The following DPYSL2 variants were observed in gnomAD, a reference collection of about 807,000 sequenced individuals.
The protein encoded by DPYSL2 is dihydropyrimidinase-related protein 2.
DPYSL2 carries 13 observed loss-of-function variants against 69.9 expected under a neutral mutation model. The ratio of observed to expected loss-of-function variants is 0.19; its 90% CI spans 0.12 to 0.30. DPYSL2 has a LOEUF of 0.30. Among genes scored for constraint, DPYSL2 ranks in the 10% least tolerant of loss-of-function variants. The pLI is 1.00. For missense variants in DPYSL2, 587 were observed against 918.9 expected, an observed-to-expected ratio of 0.64 and a Z score of 4.67; for synonymous variants, 326 against 359.1, an observed-to-expected ratio of 0.91 and a Z score of 1.04.
intron 1 of DPYSL2, among the ~76,000 whole-genome samples, chr8:26,542,179 T>C (rs1289481545): frequency 6.6e-6 from 1 of 152,056 alleles, no homozygotes; most frequent in Non-Finnish European, 1.5e-5. Flanking sequence ...TCCTAGCTAC[T>C]AGGAAGGCTG....
rs7017875 is a variant in DPYSL2, at chr8:26,653,649, C to T, written c.1942+252C>T. ...CCTTGGCTCACTGCAACCTCCACCT[C>T]CTGGTTCAAGTGATTCTCATGTCTC... On this transcript the variant is annotated intron_variant, in intron 13 of 13. Transcript: ENST00000521913. The surrounding 1 kb of genome is among the most constrained non-coding windows in gnomAD (Gnocchi z 5.7). Among the ~76,000 whole-genome samples the T allele has an allele frequency of 5.3e-3, 805 of 152,276 alleles. 12 individuals carry two copies. Among genetic ancestry groups the T allele is most frequent in the African/African-American group, 0.018 (736 of 41,540 alleles).
Position 26,598,530 on chromosome 8 carries a change from G to A in DPYSL2, c.628+14547G>A, listed in dbSNP as rs1036395791. Among the ~76,000 whole-genome samples, 2 of 152,244 alleles carry A rather than the reference G, an allele frequency of 1.3e-5. No individual in the cohort carries two copies. Among genetic ancestry groups the A allele is most frequent in the African/African-American group, 4.8e-5 (2 of 41,454 alleles). ...TTCATGTTTTAGAATGTTAGTGCCA[G>A]CAGAAAGCACCAGGAGACACCCGAT... On this transcript the variant is annotated intron_variant, in intron 3 of 13. Transcript: ENST00000521913. This position sits in a 1 kb window ranked among gnomAD's most constrained non-coding sequence, Gnocchi z 4.2.
intron 2 of DPYSL2, among the ~76,000 whole-genome samples, 159 bp from the exon 3 acceptor site, chr8:26,583,640 G>A (rs1430622411): frequency 6.6e-6 from 1 of 152,074 alleles, no homozygotes; most frequent in Non-Finnish European, 1.5e-5. Flanking sequence ...CTTGCTGGGG[G>A]GTAGGAGTAT....
intron 2 of DPYSL2, among the ~76,000 whole-genome samples, chr8:26,583,405 A>G (rs1367267187): frequency 6.6e-6 from 1 of 151,062 alleles, no homozygotes. Context: ...AAAGGATATG[A>G]TAAAAATAAA....
At position 26,598,629 on chromosome 8, in the gene DPYSL2, A is replaced by AT. The variant is rs1177533266; in HGVS notation, c.628+14652dup. ...TACGGGAGATTTGAGGCATTTGATCATTTTTTCCCGTTAGCTTACAGCACA... is the reference window on the plus strand; with the variant it reads ...TACGGGAGATTTGAGGCATTTGATCATTTTTTTCCCGTTAGCTTACAGCACA... On this transcript the variant is annotated intron_variant, in intron 3 of 13. Coordinates refer to ENST00000521913, the MANE Select transcript of DPYSL2 (RefSeq NM_001197293.3). The surrounding 1 kb of genome is among the most constrained non-coding windows in gnomAD (Gnocchi z 4.2). Among the ~76,000 whole-genome samples the AT allele has an allele frequency of 6.6e-6, 1 of 151,998 alleles. No individual in the cohort carries two copies. The highest frequency in any genetic ancestry group is 1.5e-5 in the Non-Finnish European group (1 of 68,004).
chr8:26,516,769 A>G lies in DPYSL2; in HGVS notation c.354+2090A>G, dbSNP rs1469226343. Among the ~76,000 whole-genome samples, 1 of 152,042 alleles carries G rather than the reference A, an allele frequency of 6.6e-6. No homozygotes were observed. Among genetic ancestry groups the G allele is most frequent in the Non-Finnish European group, 1.5e-5 (1 of 68,014 alleles). ...GCCTTTCTGCAGCACCTTCCCCTGA[A>G]TTTTCATGTTTAATCTTGCCTTATC... On this transcript the variant is annotated intron_variant, in intron 1 of 13. Transcript: ENST00000521913. The surrounding 1 kb of genome is among the most constrained non-coding windows in gnomAD (Gnocchi z 4.8).
rs765886702 is a variant in DPYSL2, at chr8:26,647,836, G to A, written c.1596+36G>A. ...TTAACTGTGCAGACCCCATCCAAACGAATTACAGTCACAGAGACACAGACG... is the reference window on the plus strand; with the variant it reads ...TTAACTGTGCAGACCCCATCCAAACAAATTACAGTCACAGAGACACAGACG... On this transcript the variant is annotated intron_variant, in intron 11 of 13. Coordinates refer to ENST00000521913, the MANE Select transcript of DPYSL2 (RefSeq NM_001197293.3). This position sits in a 1 kb window ranked among gnomAD's most constrained non-coding sequence, Gnocchi z 5.1. The A allele has an allele frequency of 3.8e-6, 6 of 1,567,346 alleles. No homozygotes were observed. The highest frequency in any genetic ancestry group is 1.4e-5 in the African/African-American group (1 of 72,954).
intron 7 of DPYSL2, among the ~76,000 whole-genome samples, chr8:26,628,189 A>C (rs1258487140): frequency 6.6e-6 from 1 of 152,226 alleles, no homozygotes; most frequent in Non-Finnish European, 1.5e-5. Context: ...GTAATTCTTC[A>C]AGCCCTTGCT....
chr8:26,551,086 C>A lies in DPYSL2; in HGVS notation c.355-30883C>A, dbSNP rs944029674. ...TCTCCCCCAGATACACCTTCATAGA[C>A]ATACCTGGGACAACCCAATTATTCT... On this transcript the variant is annotated intron_variant, in intron 1 of 13. Transcript: ENST00000521913. Among the ~76,000 whole-genome samples the A allele has an allele frequency of 2.0e-5, 3 of 152,332 alleles. No homozygotes were observed. The East Asian group carries it at 5.8e-4, about 29-fold the overall frequency.
chr8:26,643,706 C>A lies in DPYSL2; in HGVS notation c.1283+111C>A. On this transcript the variant is annotated intron_variant, in intron 9 of 13. Transcript: ENST00000521913. The surrounding 1 kb of genome is among the most constrained non-coding windows in gnomAD (Gnocchi z 6.5). ...AAGAGCAGCCATAAAACTGGGAGAC[C>A]CTTGTTCACCAAACTAGGTTGGCTA... 1 of 1,481,518 alleles carries A rather than the reference C, an allele frequency of 6.7e-7. No homozygotes were observed. The highest frequency in any genetic ancestry group is 9.3e-7 in the Non-Finnish European group (1 of 1,076,508). 91.8% of individuals were successfully genotyped at this position (1,481,518 alleles called of 1,614,324 possible). A position where few individuals can be genotyped will look rare whatever the true frequency, so the allele number is the denominator to read the frequency against.
At chr8:26,596,561 A>C (rs932739396) in intron 3 of DPYSL2, among the ~76,000 whole-genome samples, 1 of 152,238 alleles carries the variant, frequency 6.6e-6, no homozygotes, top group African/African-American at 2.4e-5. Context: ...TGGTTAGAAG[A>C]AAGTGAGGAG....
intron 7 of DPYSL2, 73 bp from the exon 8 acceptor site, chr8:26,634,707 G>A (rs1026577709): frequency 6.2e-7 from 1 of 1,610,096 alleles, no homozygotes; most frequent in African/African-American, 1.3e-5. Flanking sequence ...GCCTCTCTCT[G>A]GGGTGGAGGA....
rs150040034 is a variant in DPYSL2, at chr8:26,630,590, A to G, written c.1005+2650A>G. ...GTAACTGTCCTGTGCAGGAGGTACAACATCTCCTTCCCACAACTCCAGGGA... is the reference window on the plus strand; with the variant it reads ...GTAACTGTCCTGTGCAGGAGGTACAGCATCTCCTTCCCACAACTCCAGGGA... On this transcript the variant is annotated intron_variant, in intron 7 of 13. Coordinates refer to ENST00000521913, the MANE Select transcript of DPYSL2 (RefSeq NM_001197293.3). 8.8e-3 allele frequency among the ~76,000 whole-genome samples: 1,143 copies of G among 129,640 alleles called. 12 individuals are homozygous for G. Among genetic ancestry groups the G allele is most frequent in the Non-Finnish European group, 0.011 (626 of 57,542 alleles). The allele number at this position is 129,640 out of a possible 152,430, so 85.0% of individuals were successfully genotyped here. A position where few individuals can be genotyped will look rare whatever the true frequency, so the allele number is the denominator to read the frequency against.
Position 26,617,168 on chromosome 8 carries a change from T to C in DPYSL2, c.629-6975T>C, listed in dbSNP as rs1802373878. Among the ~76,000 whole-genome samples, 1 of 152,184 alleles carries C rather than the reference T, an allele frequency of 6.6e-6. No individual in the cohort carries two copies. The highest frequency in any genetic ancestry group is 1.5e-5 in the Non-Finnish European group (1 of 68,030). On this transcript the variant is annotated intron_variant, in intron 3 of 13. Coordinates refer to ENST00000521913, the MANE Select transcript of DPYSL2 (RefSeq NM_001197293.3). The surrounding 1 kb of genome is among the most constrained non-coding windows in gnomAD (Gnocchi z 4.7). ...CAGTGTCGCTCCCTGGCTGTAATAT[T>C]GTACTATAATTAGGCAAGATGTTTC...
At position 26,593,415 on chromosome 8, in the gene DPYSL2, C is replaced by G. The variant is rs1801785901; in HGVS notation, c.628+9432C>G. 6.6e-6 allele frequency among the ~76,000 whole-genome samples: 1 copy of G among 152,210 alleles called. No individual in the cohort carries two copies. Among genetic ancestry groups the G allele is most frequent in the African/African-American group, 2.4e-5 (1 of 41,466 alleles). On this transcript the variant is annotated intron_variant, in intron 3 of 13. Coordinates refer to ENST00000521913, the MANE Select transcript of DPYSL2 (RefSeq NM_001197293.3). This position sits in a 1 kb window ranked among gnomAD's most constrained non-coding sequence, Gnocchi z 5.7. ...AGTGCTTGTTCTGATAGTTGGACTT[C>G]TGTTGAAACCGAATGAATGTCTGCC...
chr8:26,589,693 G>A (rs1324529183), intron 3 of DPYSL2, among the ~76,000 whole-genome samples: 3 of 152,278 alleles, frequency 2.0e-5, no homozygotes, highest in South Asian at 2.1e-4. Flanking sequence ...AGAGGAAGCC[G>A]AGAGCCCAGG....
chr8:26,528,808 T>C (rs1800429368), intron 1 of DPYSL2, among the ~76,000 whole-genome samples: 1 of 152,012 alleles, frequency 6.6e-6, no homozygotes, highest in Non-Finnish European at 1.5e-5. Flanking sequence ...GCCAAGAGCC[T>C]TTATTGTGGT....
At position 26,514,637 on chromosome 8, in the gene DPYSL2, G is replaced by A; in HGVS notation, c.312G>A (p.Arg104=). 6.8e-7 allele frequency: 1 copy of A among 1,467,366 alleles called. No individual in the cohort carries two copies. Among genetic ancestry groups the A allele is most frequent in the African/African-American group, 1.4e-5 (1 of 70,004 alleles). The allele number at this position is 1,467,366 out of a possible 1,614,324, so 90.9% of individuals were successfully genotyped here. A position where few individuals can be genotyped will look rare whatever the true frequency, so the allele number is the denominator to read the frequency against. The part of the protein sequence containing the change: ...SVESGRKVEI[R]RASGKEALQN... ...AATCGGGCCGGAAGGTGGAGATCCG[G>A]AGGGCCTCGGGCAAAGAAGCCCTGC... The change falls in exon 1 of 14, where the codon CGG becomes CGA. Residue 104 remains arginine, a synonymous_variant. Transcript: ENST00000521913. This position sits in a 1 kb window ranked among gnomAD's most constrained non-coding sequence, Gnocchi z 8.4.
At chr8:26,638,967 A>C (rs1255147437) in intron 8 of DPYSL2, among the ~76,000 whole-genome samples, 2 of 152,214 alleles carry the variant, frequency 1.3e-5, no homozygotes, top group Admixed American at 1.3e-4. Context: ...GGCCGTGGGC[A>C]GTGCCTGATG....
Sources: allele counts gnomAD v4.1 joint callset (sites outside exome capture counted in the v4.1 genomes callset), GRCh38; gene constraint gnomAD v4.1.1; non-coding constraint Gnocchi (gnomAD v3.1); transcripts MANE v1.5; gene names NCBI Gene and HGNC (gene_info 2026-07-23, HGNC 2026-07-21).